Variants in NKAIN2 observed in about 807,000 individuals in gnomAD.
NKAIN2 encodes sodium/potassium transporting ATPase interacting 2, also known as sodium/potassium-transporting ATPase subunit beta-1-interacting protein 2.
In NKAIN2, 14 loss-of-function variants were observed where a neutral mutation model predicts 32.6. The observed-to-expected ratio is 0.43, with a 90% CI of 0.28 to 0.67. The LOEUF (loss-of-function observed/expected upper bound fraction) is 0.67. NKAIN2 is among the 30% of genes least tolerant of loss of function. NKAIN2 has a pLI of 0.17. For synonymous variants in NKAIN2, 80 were observed against 87.2 expected (o/e 0.92, Z 0.46); for missense variants, 198 against 258.3 (o/e 0.77, Z 1.60).
At chr6:124,068,655 G>A (rs968749905) in intron 1 of NKAIN2, among the ~76,000 whole-genome samples, 1 of 151,974 alleles carries the variant, frequency 6.6e-6, no homozygotes, top group African/African-American at 2.4e-5. Flanking sequence ...AGTTGGGTTG[G>A]TGGACATGGG....
At chr6:123,887,472 T>G (rs1274259954) in intron 1 of NKAIN2, among the ~76,000 whole-genome samples, 2 of 152,152 alleles carry the variant, frequency 1.3e-5, no homozygotes, top group African/African-American at 4.8e-5. Context: ...GGATAATTGG[T>G]GGCAAGCTGT....
intron 1 of NKAIN2, among the ~76,000 whole-genome samples, chr6:124,229,257 G>C (rs1211067334): frequency 6.6e-6 from 1 of 152,104 alleles, no homozygotes; most frequent in African/African-American, 2.4e-5. Flanking sequence ...ATATAAAGAT[G>C]AATTTAATGG....
chr6:124,752,608 G>C (rs6909363), intron 4 of NKAIN2, among the ~76,000 whole-genome samples: 1 of 151,550 alleles, frequency 6.6e-6, no homozygotes, highest in Non-Finnish European at 1.5e-5. Flanking sequence ...ACAATAAGCA[G>C]CTAATTTCAC....
intron 5 of NKAIN2, among the ~76,000 whole-genome samples, chr6:124,799,867 C>G (rs891432538): frequency 6.6e-6 from 1 of 152,180 alleles, no homozygotes; most frequent in African/African-American, 2.4e-5. Context: ...CAGACCCCCA[C>G]AGCCTACCAG....
chr6:124,410,243 ATG>A (rs891141421), intron 3 of NKAIN2, among the ~76,000 whole-genome samples: 27 of 151,954 alleles, frequency 1.8e-4, no homozygotes, highest in African/African-American at 6.5e-4. Context: ...TAGCTTTTGA[ATG>A]TGTTTGCTCT....
chr6:124,248,336 G>A (rs556067549), intron 1 of NKAIN2, among the ~76,000 whole-genome samples: 22 of 151,906 alleles, frequency 1.4e-4, no homozygotes, highest in Non-Finnish European at 2.2e-4. Context: ...GGCTTATAGC[G>A]ATTGTACATA....
At chr6:124,172,477 T>G (rs1788944895) in intron 1 of NKAIN2, among the ~76,000 whole-genome samples, 1 of 152,202 alleles carries the variant, frequency 6.6e-6, no homozygotes, top group Admixed American at 6.5e-5. Context: ...ATATCAAATA[T>G]TCCTTTAAAT....
intron 1 of NKAIN2, among the ~76,000 whole-genome samples, chr6:124,011,874 G>A (rs1029560775): frequency 6.6e-6 from 1 of 152,062 alleles, no homozygotes; most frequent in African/African-American, 2.4e-5. Flanking sequence ...AGTCCTCCAT[G>A]TTTTTGATCA....
At chr6:124,611,457 C>G (rs763772952) in intron 3 of NKAIN2, among the ~76,000 whole-genome samples, 3 of 151,994 alleles carry the variant, frequency 2.0e-5, no homozygotes, top group Non-Finnish European at 4.4e-5. Context: ...GTTTGCTGTA[C>G]CTGTCAACCC....
rs1781779382 is a variant in NKAIN2, at chr6:124,039,704, T to A, written c.54+235450T>A. ...ATTAATTATAAAATTTGCCCTTTGC[T>A]GGTATTATGTTAGTCTAAAAATATA... On this transcript the variant is annotated intron_variant, in intron 1 of 6. Coordinates refer to ENST00000368417, the MANE Select transcript of NKAIN2 (RefSeq NM_001040214.3). Among the ~76,000 whole-genome samples, 3 of 152,074 alleles carry A rather than the reference T, an allele frequency of 2.0e-5. No homozygotes were observed. The South Asian group carries it at 6.2e-4, about 32-fold the overall frequency.
intron 3 of NKAIN2, among the ~76,000 whole-genome samples, chr6:124,541,798 G>A (rs1293197853): frequency 6.6e-6 from 1 of 152,118 alleles, no homozygotes; most frequent in East Asian, 1.9e-4. Context: ...TCAGAGACTT[G>A]TGTTAACATC....
chr6:124,646,169 G>T (rs1265689044), intron 3 of NKAIN2, among the ~76,000 whole-genome samples: 3 of 151,964 alleles, frequency 2.0e-5, no homozygotes, highest in Admixed American at 6.6e-5. Flanking sequence ...AAGCAATGTA[G>T]AAAATATAAT....
chr6:124,291,763 C>G (rs1795824601), intron 2 of NKAIN2, among the ~76,000 whole-genome samples: 1 of 152,040 alleles, frequency 6.6e-6, no homozygotes, highest in African/African-American at 2.4e-5. Flanking sequence ...TCTCCCTTAA[C>G]TTTTCTCCAC....
At chr6:124,194,448 G>A (rs1468163041) in intron 1 of NKAIN2, among the ~76,000 whole-genome samples, 2 of 151,648 alleles carry the variant, frequency 1.3e-5, no homozygotes, top group Non-Finnish European at 2.9e-5. Context: ...TATCTACTCT[G>A]GCAATATTTT....
intron 1 of NKAIN2, among the ~76,000 whole-genome samples, chr6:124,261,239 G>A (rs758675581): frequency 3.9e-5 from 6 of 152,022 alleles, no homozygotes; most frequent in Non-Finnish European, 5.9e-5. Flanking sequence ...CTTTTCTTTC[G>A]TTCCTTGTTT....
At chr6:124,223,452 G>C (rs993599354) in intron 1 of NKAIN2, among the ~76,000 whole-genome samples, 1 of 152,058 alleles carries the variant, frequency 6.6e-6, no homozygotes, top group South Asian at 2.1e-4. Context: ...GGTACCTAGG[G>C]TTTCTACCAT....
chr6:124,531,645 A>G (rs1779529453), intron 3 of NKAIN2, among the ~76,000 whole-genome samples: 1 of 152,098 alleles, frequency 6.6e-6, no homozygotes, highest in South Asian at 2.1e-4. Context: ...TAGGCAGTGA[A>G]TATTTGAAAG....
rs556571208 is a variant in NKAIN2, at chr6:124,535,862, G to A, written c.274-122324G>A. ...GAGCAGTTCAGGAAGACAGACCTGT[G>A]AATTCCCTCCCTTCCTCCTCACTGC... is the stretch of plus-strand genomic sequence containing the variant. On this transcript the variant is annotated intron_variant, in intron 3 of 6. Transcript: ENST00000368417. Among the ~76,000 whole-genome samples the A allele has an allele frequency of 2.0e-5, 3 of 152,298 alleles. No individual in the cohort carries two copies. The South Asian group carries it at 6.2e-4, about 32-fold the overall frequency.
intron 1 of NKAIN2, among the ~76,000 whole-genome samples, chr6:123,891,530 A>G (rs148066126): frequency 4.2e-4 from 64 of 152,256 alleles, no homozygotes; most frequent in Admixed American, 4.0e-3. Context: ...CTGTTCAGCA[A>G]TACTTAGTGC....
Sources: gnomAD v4.1 joint callset for allele counts (sites outside exome capture counted in the v4.1 genomes callset) on GRCh38, gnomAD v4.1.1 for gene constraint, MANE v1.5 for transcripts, NCBI Gene and HGNC (gene_info 2026-07-23, HGNC 2026-07-21) for gene names.